OSBPL9: variants seen among roughly 807,000 people sequenced by gnomAD.
OSBPL9 encodes oxysterol binding protein like 9, also known as oxysterol-binding protein-related protein 9.
In OSBPL9, 40 loss-of-function variants were observed where a neutral mutation model predicts 106.6. The observed-to-expected ratio is 0.38, with a 90% CI of 0.29 to 0.49. The LOEUF (loss-of-function observed/expected upper bound fraction) is 0.49. Ranked by LOEUF, OSBPL9 falls within the 20% of genes least tolerant of loss-of-function variation. OSBPL9 has a pLI of 0.97. For missense variants in OSBPL9, 609 were observed against 887.2 expected (o/e 0.69, Z 3.98); for synonymous variants, 269 against 295.4 (o/e 0.91, Z 0.92).
chr1:51,604,401 C>G (rs1359915543), intron 2 of OSBPL9, among the ~76,000 whole-genome samples: 1 of 151,796 alleles, frequency 6.6e-6, no homozygotes, highest in Non-Finnish European at 1.5e-5. Context: ...ACTAAAAATA[C>G]AAAAATCAGC....
intron 2 of OSBPL9, among the ~76,000 whole-genome samples, chr1:51,606,526 C>G (rs1220564416): frequency 6.6e-6 from 1 of 152,190 alleles, no homozygotes; most frequent in Admixed American, 6.6e-5. Context: ...TGCAAGACTT[C>G]TGGTTGGCAC....
At chr1:51,608,683 G>A (rs981081409) in intron 2 of OSBPL9, among the ~76,000 whole-genome samples, 2 of 151,486 alleles carry the variant, frequency 1.3e-5, no homozygotes, top group African/African-American at 2.4e-5. Flanking sequence ...GGATTGGGGG[G>A]GGGGGCTTTC....
intron 9 of OSBPL9, 91 bp from the exon 10 acceptor site, chr1:51,760,599 G>T: frequency 6.3e-7 from 1 of 1,577,288 alleles, no homozygotes; most frequent in Non-Finnish European, 8.6e-7. Flanking sequence ...GCTACCCTCA[G>T]GATTTTGAAG....
At chr1:51,711,656 C>T (rs1223173749) in intron 3 of OSBPL9, among the ~76,000 whole-genome samples, 5 of 133,754 alleles carry the variant, frequency 3.7e-5, no homozygotes, top group South Asian at 2.5e-4. Context: ...ACTTCTCAGA[C>T]GGGGTGGTTG....
chr1:51,677,361 C>G (rs1216303764), intron 3 of OSBPL9, among the ~76,000 whole-genome samples: 1 of 152,180 alleles, frequency 6.6e-6, no homozygotes, highest in Non-Finnish European at 1.5e-5. Flanking sequence ...AAGTGAGACA[C>G]AGAGTTAAGT....
At chr1:51,519,111 C>T in the OSBPL9 span, 2 of 931,594 alleles carry the variant, frequency 2.1e-6, no homozygotes, top group Non-Finnish European at 3.1e-6. Flanking sequence ...GCCTGCTTGG[C>T]CCACAAGCCA....
intron 11 of OSBPL9, among the ~76,000 whole-genome samples, chr1:51,762,872 A>G (rs1671817270): frequency 6.6e-6 from 1 of 152,246 alleles, no homozygotes; most frequent in South Asian, 2.1e-4. Flanking sequence ...CTTCAGTGAT[A>G]TCCTTGTACA....
chr1:51,583,700 C>A (rs983575316), intron 1 of OSBPL9: 4 of 152,214 alleles, frequency 2.6e-5, no homozygotes, highest in African/African-American at 9.7e-5. Context: ...ACTTATCAGT[C>A]GGGGGCCTGA....
intron 4 of OSBPL9, among the ~76,000 whole-genome samples, chr1:51,728,038 C>A (rs186308346): frequency 5.3e-4 from 80 of 152,120 alleles, no homozygotes; most frequent in Middle Eastern, 3.4e-3. Context: ...TAACAGCATG[C>A]GCCAAGGCCC....
At chr1:51,680,880 T>C (rs944129188) in intron 3 of OSBPL9, among the ~76,000 whole-genome samples, 3 of 152,140 alleles carry the variant, frequency 2.0e-5, no homozygotes, top group Non-Finnish European at 4.4e-5. Flanking sequence ...GAAACAGTCT[T>C]GCCCAATTGC....
chr1:51,559,037 G>C, the OSBPL9 span, among the ~76,000 whole-genome samples: 3 of 152,258 alleles, frequency 2.0e-5, no homozygotes, highest in South Asian at 6.2e-4. Context: ...AAGGTAAAGG[G>C]GTTGTGTTTG....
At chr1:51,681,729 C>T (rs1409948719) in intron 3 of OSBPL9, among the ~76,000 whole-genome samples, 1 of 152,076 alleles carries the variant, frequency 6.6e-6, no homozygotes, top group Admixed American at 6.6e-5. Flanking sequence ...CCCCACTCCC[C>T]ACCCCCAGTA....
intron 1 of OSBPL9, among the ~76,000 whole-genome samples, chr1:51,636,230 A>G (rs770543829): frequency 7.3e-6 from 1 of 136,646 alleles, no homozygotes; most frequent in Non-Finnish European, 1.5e-5. Context: ...GCATGATCAT[A>G]GTTCACTGTA....
At chr1:51,697,075 G>A (rs1014034299) in intron 3 of OSBPL9, among the ~76,000 whole-genome samples, 10 of 151,800 alleles carry the variant, frequency 6.6e-5, no homozygotes, top group African/African-American at 2.4e-4. Flanking sequence ...CAGGAGGATC[G>A]CCTGAGCTGA....
At chr1:51,760,235 G>A (rs1015232112) in intron 9 of OSBPL9, 8 of 160,652 alleles carry the variant, frequency 5.0e-5, no homozygotes, top group Non-Finnish European at 9.5e-5. Flanking sequence ...TACCTGAGGA[G>A]TGACTGTACT....
the OSBPL9 span, among the ~76,000 whole-genome samples, chr1:51,533,205 G>A: frequency 6.6e-6 from 1 of 152,126 alleles, no homozygotes; most frequent in African/African-American, 2.4e-5. Context: ...CATGCTGCTG[G>A]GTGTAGTGGC....
intron 1 of OSBPL9, among the ~76,000 whole-genome samples, chr1:51,630,967 A>G (rs185049366): frequency 3.3e-5 from 5 of 152,142 alleles, no homozygotes; most frequent in East Asian, 3.9e-4. Flanking sequence ...CAACTGCCCA[A>G]TGGGTTCTTT....
chr1:51,733,672 G>T (rs1442354274), intron 4 of OSBPL9, among the ~76,000 whole-genome samples: 3 of 152,048 alleles, frequency 2.0e-5, no homozygotes, highest in Admixed American at 6.5e-5. Flanking sequence ...CCACTTGGGG[G>T]GCTGAGGCAG....
At chr1:51,770,103 T>A (rs191967463) in intron 12 of OSBPL9, among the ~76,000 whole-genome samples, 2 of 151,528 alleles carry the variant, frequency 1.3e-5, no homozygotes, top group African/African-American at 4.9e-5. Context: ...CCCCAGTAGC[T>A]GGAACCACAG....
Sources: allele counts gnomAD v4.1 joint callset (sites outside exome capture counted in the v4.1 genomes callset), GRCh38; gene constraint gnomAD v4.1.1; transcripts MANE v1.5; gene names NCBI Gene and HGNC (gene_info 2026-07-23, HGNC 2026-07-21).